The following LCMT1 variants were observed in gnomAD, a reference collection of about 807,000 sequenced individuals.
The protein encoded by LCMT1 is [Phosphatase 2A protein]-leucine-carboxy methyltransferase 1.
LCMT1 carries 32 observed loss-of-function variants against 47.7 expected under a neutral mutation model. That is an observed-to-expected ratio of 0.67 (90% CI 0.51 to 0.90). The LOEUF is 0.90. LCMT1 is among the 40% of genes least tolerant of loss of function. LCMT1 has a pLI of 0.00. For missense variants in LCMT1, 375 were observed against 415.2 expected (o/e 0.90, Z 0.84); for synonymous variants, 152 against 149.7 (o/e 1.02, Z -0.11).
At chr16:25,166,106 C>CA (rs1395011486) in intron 7 of LCMT1, among the ~76,000 whole-genome samples, 1 of 151,356 alleles carries the variant, frequency 6.6e-6, no homozygotes, top group Non-Finnish European at 1.5e-5. Flanking sequence ...CCTGTCTCTA[C>CA]AAAAAATACA....
chr16:25,115,740 C>T (rs1028499243), intron 1 of LCMT1, among the ~76,000 whole-genome samples: 5 of 152,144 alleles, frequency 3.3e-5, no homozygotes, highest in South Asian at 2.1e-4. Flanking sequence ...TGCAGTGGCG[C>T]GATGTTGGTT....
intron 10 of LCMT1, among the ~76,000 whole-genome samples, chr16:25,175,600 C>CCAGCCCGGGCAAGA (rs1401127493): frequency 3.9e-5 from 6 of 152,044 alleles, no homozygotes; most frequent in African/African-American, 1.4e-4. Context: ...CCATTGCACT[C>CCAGCCCGGGCAAGA]CAGCCCGGGC....
intron 1 of LCMT1, among the ~76,000 whole-genome samples, chr16:25,121,663 C>T (rs1004419500): frequency 2.6e-5 from 4 of 152,102 alleles, no homozygotes; most frequent in Admixed American, 1.3e-4. Context: ...GTACCTTCTT[C>T]AGAGGGTGGC....
chr16:25,126,527 T>C (rs958370354), intron 1 of LCMT1, among the ~76,000 whole-genome samples: 1 of 152,128 alleles, frequency 6.6e-6, no homozygotes, highest in Non-Finnish European at 1.5e-5. Flanking sequence ...AGTCACTGCC[T>C]TCATTCCTCA....
chr16:25,143,077 G>A (rs1960742473), intron 4 of LCMT1: 1 of 152,174 alleles, frequency 6.6e-6, no homozygotes, highest in Non-Finnish European at 1.5e-5. Context: ...TTGTAAAGGG[G>A]TTTTCCCATC....
chr16:25,111,964 C>G lies in LCMT1; in HGVS notation c.81C>G (p.Arg27=). 1 of 1,613,496 alleles carries G rather than the reference C, an allele frequency of 6.2e-7. No individual in the cohort carries two copies. The highest frequency in any genetic ancestry group is 8.5e-7 in the Non-Finnish European group (1 of 1,179,652). Residue 27 remains arginine, a synonymous_variant, in exon 1 of 11, where the codon CGC becomes CGG. Coordinates refer to ENST00000399069, the MANE Select transcript of LCMT1 (RefSeq NM_016309.3). The stretch of plus-strand genomic sequence containing the variant: ...GCGACGCAGACGACGAGGGCGTGCG[C>G]GGCACCTGCGAAGATGCTTCCCTGT... ...SSCDADDEGV[R]GTCEDASLCK...
At chr16:25,123,600 CTTTTTTTTTTTTTTT>C (rs1173228613) in intron 1 of LCMT1, among the ~76,000 whole-genome samples, 1 of 63,486 alleles carries the variant, frequency 1.6e-5, no homozygotes, top group Non-Finnish European at 2.7e-5. Context: ...AAATTGCTTT[CTTTTTTTTTTTTTTT>C]TTTTTTTTTT....
intron 9 of LCMT1, 111 bp downstream of exon 9, chr16:25,170,916 A>G: frequency 5.5e-6 from 4 of 727,188 alleles, no homozygotes; most frequent in Non-Finnish European, 9.0e-6. Flanking sequence ...ATTTCATTAA[A>G]AAACAAAAAA....
chr16:25,124,237 T>C lies in LCMT1; in HGVS notation c.114-4238T>C, dbSNP rs1215518574. Among the ~76,000 whole-genome samples, 3 of 152,334 alleles carry C rather than the reference T, an allele frequency of 2.0e-5. No homozygotes were observed. In the East Asian group the frequency reaches 5.8e-4, roughly 29 times the overall value. ...AAAAAGTTTAAATTTTTAAACAACATGTTTTTCAGAATGTATCCTCATCTT... is the reference window on the plus strand; with the variant it reads ...AAAAAGTTTAAATTTTTAAACAACACGTTTTTCAGAATGTATCCTCATCTT... On this transcript the variant is annotated intron_variant, in intron 1 of 10. Transcript: ENST00000399069.
intron 3 of LCMT1, among the ~76,000 whole-genome samples, chr16:25,135,721 G>A (rs992006303): frequency 4.6e-5 from 7 of 152,122 alleles, no homozygotes; most frequent in African/African-American, 1.4e-4. Flanking sequence ...AGGAGCCCAA[G>A]ACTGTACAGT....
chr16:25,149,896 G>C (rs566291611), intron 4 of LCMT1, among the ~76,000 whole-genome samples: 1 of 130,580 alleles, frequency 7.7e-6, no homozygotes, highest in African/African-American at 2.9e-5. Context: ...CTGGGTGACA[G>C]AGCAAGACTG....
At chr16:25,127,671 G>A (rs561640235) in intron 1 of LCMT1, among the ~76,000 whole-genome samples, 2 of 152,336 alleles carry the variant, frequency 1.3e-5, no homozygotes, top group East Asian at 3.9e-4. Context: ...TGGGCTGCAA[G>A]TAACAGAAGC....
At chr16:25,118,181 C>T (rs1371670342) in intron 1 of LCMT1, among the ~76,000 whole-genome samples, 1 of 152,104 alleles carries the variant, frequency 6.6e-6, no homozygotes, top group Admixed American at 6.6e-5. Context: ...TAGAAAAAGA[C>T]CAGCATTTCT....
At chr16:25,140,414 A>C (rs1014075590) in intron 4 of LCMT1, 167 bp downstream of exon 4, 4 of 606,262 alleles carry the variant, frequency 6.6e-6, no homozygotes, top group African/African-American at 3.7e-5. Context: ...CATGTTCTAC[A>C]GTCTGCAAAA....
chr16:25,141,250 T>C (rs1018546748), intron 4 of LCMT1: 16 of 152,266 alleles, frequency 1.1e-4, no homozygotes, highest in African/African-American at 3.6e-4. Context: ...GTAAAAACCA[T>C]GTCATACTTT....
rs757380335 is a variant in LCMT1 at position 25,169,103 on chromosome 16, C to T, written c.691-9C>T. 20 of 1,590,912 alleles carry T rather than the reference C, an allele frequency of 1.3e-5. 1 individual carries two copies. In the Middle Eastern group the frequency reaches 8.7e-4, roughly 69 times the overall value. ...TAGAGTAATATCTTACCTTCTCTTT[C>T]CCTCCTAGGTGAACATGGGTGATCG... is the stretch of plus-strand genomic sequence containing the variant. On this transcript the variant is annotated splice_polypyrimidine_tract_variant and intron_variant, in intron 7 of 10. Transcript: ENST00000399069.
intron 4 of LCMT1, among the ~76,000 whole-genome samples, chr16:25,150,478 G>A (rs1015858495): frequency 6.6e-6 from 1 of 151,576 alleles, no homozygotes; most frequent in African/African-American, 2.4e-5. Context: ...CCAAGTAGCT[G>A]GGATTCCAGA....
In LCMT1 at chr16:25,170,719, A is replaced by G. The variant is rs758581170; in HGVS notation, c.798A>G (p.Glu266=). The change falls in exon 9 of 11, where the codon GAA becomes GAG. Residue 266 remains glutamate (E), a synonymous_variant. Coordinates refer to ENST00000399069, the MANE Select transcript of LCMT1 (RefSeq NM_016309.3). ...ETCKSLESQK[E]RLLSNGWETA... ...CTCTTCGTTGCACATTTTAGAAAGA[A>G]CGGCTCCTGTCGAATGGGTGGGAAA... 5.6e-6 allele frequency: 9 copies of G among 1,613,090 alleles called. No homozygotes were observed. The East Asian group carries it at 2.0e-4, about 36-fold the overall frequency.
intron 4 of LCMT1, among the ~76,000 whole-genome samples, chr16:25,151,184 G>A (rs1961070954): frequency 6.6e-6 from 1 of 152,156 alleles, no homozygotes; most frequent in Non-Finnish European, 1.5e-5. Context: ...AAGTTTGATT[G>A]AGAATAGGCA....
Sources: allele counts gnomAD v4.1 joint callset (sites outside exome capture counted in the v4.1 genomes callset), GRCh38; gene constraint gnomAD v4.1.1; transcripts MANE v1.5; gene names NCBI Gene and HGNC (gene_info 2026-07-23, HGNC 2026-07-21).